The following TENM2 variants were observed in gnomAD, a reference collection of about 807,000 sequenced individuals.
TENM2 encodes teneurin transmembrane protein 2, also known as teneurin-2.
Under a neutral mutation model 245.2 loss-of-function variants are expected in TENM2, and 52 were observed. That is an observed-to-expected ratio of 0.21 (90% CI 0.17 to 0.27). The LOEUF is 0.27. Among genes scored for constraint, TENM2 ranks in the 10% least tolerant of loss-of-function variants. The pLI is 1.00. For missense variants in TENM2, 3,046 were observed against 3,666.8 expected (o/e 0.83, Z 4.37); for synonymous variants, 1,363 against 1,438.9 (o/e 0.95, Z 1.19).
intron 12 of TENM2, among the ~76,000 whole-genome samples, chr5:168,156,592 A>T (rs1757207509): frequency 6.6e-6 from 1 of 152,150 alleles, no homozygotes; most frequent in Admixed American, 6.5e-5. Context: ...CTTTTATGGT[A>T]ATTATAGCTT....
intron 25 of TENM2, among the ~76,000 whole-genome samples, chr5:168,229,411 C>A (rs1764617599): frequency 6.6e-6 from 1 of 152,122 alleles, no homozygotes; most frequent in Non-Finnish European, 1.5e-5. Flanking sequence ...ATCATGCTAA[C>A]CCCTTCCCTG....
intron 9 of TENM2, among the ~76,000 whole-genome samples, chr5:168,109,733 A>G (rs1196106267): frequency 6.6e-6 from 1 of 152,208 alleles, no homozygotes; most frequent in East Asian, 1.9e-4. Flanking sequence ...TTGAGTCTAG[A>G]TAAATTGCCC....
chr5:167,349,170 C>T (rs1045507628), intron 1 of TENM2, among the ~76,000 whole-genome samples: 1 of 152,228 alleles, frequency 6.6e-6, no homozygotes, highest in African/African-American at 2.4e-5. Context: ...CTCATGCTCA[C>T]TTGCTCCCAC....
the TENM2 span, among the ~76,000 whole-genome samples, chr5:167,001,008 T>G: frequency 6.6e-6 from 1 of 152,150 alleles, no homozygotes; most frequent in Non-Finnish European, 1.5e-5. Context: ...ATTTAGCCAA[T>G]GCATTGGCTG....
intron 3 of TENM2, among the ~76,000 whole-genome samples, chr5:167,947,210 A>G (rs547273088): frequency 6.6e-6 from 1 of 152,294 alleles, no homozygotes; most frequent in Admixed American, 6.5e-5. Context: ...AGGAGGTACT[A>G]ATCATTTTCC....
the TENM2 span, among the ~76,000 whole-genome samples, chr5:167,175,901 G>T: frequency 2.0e-5 from 3 of 152,196 alleles, no homozygotes; most frequent in Middle Eastern, 6.8e-3. Flanking sequence ...GTAGAGATGG[G>T]GTTTCACCGT....
the TENM2 span, among the ~76,000 whole-genome samples, chr5:167,014,420 A>G: frequency 2.0e-5 from 3 of 151,922 alleles, no homozygotes; most frequent in African/African-American, 7.3e-5. Context: ...TTTCCTAACT[A>G]TATTGTAAAA....
chr5:167,152,062 A>T, the TENM2 span, among the ~76,000 whole-genome samples: 14 of 152,236 alleles, frequency 9.2e-5, no homozygotes, highest in African/African-American at 3.1e-4. Context: ...ATGCTCTTGT[A>T]TACAAAATTT....
At chr5:167,514,188 T>C (rs777285078) in intron 2 of TENM2, among the ~76,000 whole-genome samples, 1 of 152,202 alleles carries the variant, frequency 6.6e-6, no homozygotes, top group Non-Finnish European at 1.5e-5. Context: ...TGAGTATCAA[T>C]CCATGTTTAC....
chr5:167,509,488 C>T lies in TENM2; in HGVS notation c.502+134015C>T, dbSNP rs934956740. On this transcript the variant is annotated intron_variant, in intron 2 of 28. Transcript: ENST00000518659. ...AAATTTTAAGGTAGGTGCCTTTAAT[C>T]GACACTTAATTAATGCGTTTACTTT... Among the ~76,000 whole-genome samples, 8 of 152,208 alleles carry T rather than the reference C, an allele frequency of 5.3e-5. No homozygotes were observed. In the South Asian group the frequency reaches 1.2e-3, roughly 24 times the overall value.
At chr5:167,578,859 C>T (rs1261950545) in intron 2 of TENM2, among the ~76,000 whole-genome samples, 1 of 152,108 alleles carries the variant, frequency 6.6e-6, no homozygotes, top group East Asian at 1.9e-4. Flanking sequence ...TATATGTGAA[C>T]ATATAAGCTG....
chr5:168,073,110 G>A (rs745608613), intron 7 of TENM2, among the ~76,000 whole-genome samples: 6 of 152,204 alleles, frequency 3.9e-5, no homozygotes, highest in Non-Finnish European at 5.9e-5. Context: ...TGGGATGGGA[G>A]ATTTGGAATA....
At chr5:167,357,357 A>G (rs1407072595) in intron 1 of TENM2, among the ~76,000 whole-genome samples, 4 of 143,478 alleles carry the variant, frequency 2.8e-5, no homozygotes, top group Admixed American at 2.2e-4. Context: ...ATCTCAGCTC[A>G]CTGCAACCTC....
At chr5:167,194,335 C>T in the TENM2 span, among the ~76,000 whole-genome samples, 1 of 152,016 alleles carries the variant, frequency 6.6e-6, no homozygotes, top group African/African-American at 2.4e-5. Context: ...TGCCTTCTTC[C>T]TTCCCAAAGT....
At chr5:167,993,322 A>C (rs1463689618) in intron 5 of TENM2, 140 bp downstream of exon 7, 35 of 656,152 alleles carry the variant, frequency 5.3e-5, no homozygotes, top group Non-Finnish European at 9.1e-5. Context: ...TGAGTGATGG[A>C]TGGAGGTGAT....
chr5:167,970,405 T>A (rs1374079521), intron 4 of TENM2, among the ~76,000 whole-genome samples: 6 of 152,248 alleles, frequency 3.9e-5, no homozygotes, highest in Non-Finnish European at 8.8e-5. Context: ...CATGCTCATT[T>A]ATTGTCTTAC....
At chr5:167,343,358 A>G (rs1758244191) in intron 1 of TENM2, among the ~76,000 whole-genome samples, 1 of 152,106 alleles carries the variant, frequency 6.6e-6, no homozygotes, top group South Asian at 2.1e-4. Context: ...TCTTAGGCCA[A>G]TTTTTGATGT....
chr5:168,017,209 C>A (rs1434258145), intron 5 of TENM2, among the ~76,000 whole-genome samples: 2 of 152,186 alleles, frequency 1.3e-5, no homozygotes, highest in Admixed American at 1.3e-4. Flanking sequence ...GGGTAGAAAG[C>A]ATGTGGGCTT....
chr5:167,145,177 C>G, the TENM2 span, among the ~76,000 whole-genome samples: 1 of 152,108 alleles, frequency 6.6e-6, no homozygotes, highest in South Asian at 2.1e-4. Context: ...CTGCAAAATC[C>G]CTTTTACCAT....
Sources: allele counts gnomAD v4.1 joint callset (sites outside exome capture counted in the v4.1 genomes callset), GRCh38; gene constraint gnomAD v4.1.1; transcripts MANE v1.5; gene names NCBI Gene and HGNC (gene_info 2026-07-23, HGNC 2026-07-21).